EYS: variants seen among roughly 807,000 people sequenced by gnomAD.
EYS encodes the protein protein eyes shut homolog.
Under a neutral mutation model 282.1 loss-of-function variants are expected in EYS, and 250 were observed. That is an observed-to-expected ratio of 0.89 (90% confidence interval 0.80 to 0.98). The LOEUF is 0.98. Among genes scored for constraint, EYS ranks in the 50% least tolerant of loss-of-function variants. The pLI is 0.00. For synonymous variants in EYS, 1,355 were observed against 1,282.9 expected (o/e 1.06, Z -1.20); for missense variants, 4,016 against 3,709.0 (o/e 1.08, Z -2.15).
At chr6:64,306,320 T>G (rs1769442856) in intron 30 of EYS, among the ~76,000 whole-genome samples, 1 of 152,176 alleles carries the variant, frequency 6.6e-6, no homozygotes, top group Non-Finnish European at 1.5e-5. Context: ...CTCACCATGC[T>G]ATCTTACTTC....
Position 64,511,818 on chromosome 6 carries a change from T to TG in EYS, c.5645-72467dup, listed in dbSNP as rs66891090. ...GATTTAGCCATTAGATACTAAATTT[T>TG]GGGGGGGGGTGTTAAAATGTGTCAC... On this transcript the variant is annotated intron_variant, in intron 26 of 42. Transcript: ENST00000503581. Among the ~76,000 whole-genome samples the TG allele has an allele frequency of 7.3e-3, 1,089 of 149,238 alleles. 8 individuals carry two copies. The highest frequency in any genetic ancestry group is 0.018 in the African/African-American group (749 of 40,940).
rs1398757012 is a variant in EYS at position 65,120,375 on chromosome 6, TC to T, written c.2024-62649del. Among the ~76,000 whole-genome samples, 3 of 148,788 alleles carry T rather than the reference TC, an allele frequency of 2.0e-5. 1 individual carries two copies. In the East Asian group the frequency reaches 6.0e-4, roughly 30 times the overall value. ...CTCTGCGGCCTTCTTAAGGCTCTTC[TC>T]TTACACATCACATATGTCAGAGACA... On this transcript the variant is annotated intron_variant, in intron 12 of 42. Coordinates refer to ENST00000503581, the MANE Select transcript of EYS (RefSeq NM_001142800.2).
At chr6:64,726,740 A>G (rs1771771294) in intron 22 of EYS, among the ~76,000 whole-genome samples, 1 of 152,188 alleles carries the variant, frequency 6.6e-6, no homozygotes, top group Admixed American at 6.5e-5. Context: ...TAAGATTTAT[A>G]GAAGGATGTG....
chr6:64,591,347 A>G lies in EYS; in HGVS notation c.4520T>C (p.Ile1507Thr). 6.4e-7 allele frequency: 1 copy of G among 1,551,360 alleles called. No homozygotes were observed. Among genetic ancestry groups the G allele is most frequent in the South Asian group, 1.2e-5 (1 of 84,060 alleles). The change falls in exon 26 of 43, where the codon ATC (isoleucine) becomes ACC (threonine). Residue 1507 changes from isoleucine (I) to threonine (T), a missense_variant. Physicochemically the swap from Ile to Thr is moderately conservative, Grantham distance 89 (BLOSUM62 -1). Coordinates refer to ENST00000503581, the MANE Select transcript of EYS (RefSeq NM_001142800.2). ...AKVIISKQVT[I>T]LNSSALHRFS... ...CCGGTGCAGAGCTGATGAGTTTAAG[A>G]TGGTTACCTGTTTAGATATAATTAC...
chr6:64,681,360 C>A (rs985067585), intron 22 of EYS, among the ~76,000 whole-genome samples: 2 of 151,978 alleles, frequency 1.3e-5, no homozygotes, highest in Non-Finnish European at 2.9e-5. Context: ...AGATCAAGTA[C>A]AAAGTTGCAA....
intron 4 of EYS, among the ~76,000 whole-genome samples, chr6:65,492,350 G>A (rs199618622): frequency 1.3e-4 from 15 of 112,542 alleles, no homozygotes; most frequent in African/African-American, 3.3e-4. Flanking sequence ...CAAACAAAGA[G>A]AAAGAAAGAA....
chr6:63,865,378 A>G (rs1435721210), intron 35 of EYS, among the ~76,000 whole-genome samples: 5 of 152,196 alleles, frequency 3.3e-5, no homozygotes, highest in Non-Finnish European at 7.3e-5. Context: ...ATGTGAGACA[A>G]TATATTCCAC....
At chr6:65,015,347 G>A (rs530798659) in intron 13 of EYS, among the ~76,000 whole-genome samples, 1 of 152,140 alleles carries the variant, frequency 6.6e-6, no homozygotes, top group Non-Finnish European at 1.5e-5. Context: ...GATGAAAATT[G>A]GGATGTGTTA....
chr6:63,929,483 G>A lies in EYS; in HGVS notation c.7055+54900C>T, dbSNP rs553443084. On this transcript the variant is annotated intron_variant, in intron 35 of 42. Transcript: ENST00000503581. ...AAGGTTTGAGTATCCCTTTAATTTCGTAGAATCATTTTCTTCTCCACATTA... is the reference window on the plus strand; with the variant it reads ...AAGGTTTGAGTATCCCTTTAATTTCATAGAATCATTTTCTTCTCCACATTA... Among the ~76,000 whole-genome samples, 9 of 152,214 alleles carry A rather than the reference G, an allele frequency of 5.9e-5. No individual in the cohort carries two copies. In the East Asian group the frequency reaches 9.7e-4, roughly 16 times the overall value.
At chr6:64,939,052 T>C (rs942853083) in intron 15 of EYS, among the ~76,000 whole-genome samples, 8 of 151,840 alleles carry the variant, frequency 5.3e-5, no homozygotes, top group African/African-American at 1.9e-4. Context: ...ATTCCTAAGT[T>C]GTAAGTCATC....
At position 64,975,213 on chromosome 6, in the gene EYS, T is replaced by C. The variant is rs1205081562; in HGVS notation, c.2259+22369A>G. 2.6e-5 allele frequency among the ~76,000 whole-genome samples: 4 copies of C among 151,980 alleles called. No homozygotes were observed. The South Asian group carries it at 8.3e-4, about 31-fold the overall frequency. On this transcript the variant is annotated intron_variant, in intron 14 of 42. Transcript: ENST00000503581. The stretch of plus-strand genomic sequence containing the variant: ...TATTGATTAGAAACTGCACCACTTA[T>C]TGAATAAGATATAAAAACGATAATT...
rs71551553 is a variant in EYS at position 64,000,168 on chromosome 6, CTTTTTTT to C, written c.6726-992_6726-986del. Among the ~76,000 whole-genome samples the C allele has an allele frequency of 1.1e-3, 45 of 42,652 alleles. 3 individuals carry two copies. The highest frequency in any genetic ancestry group is 7.0e-3 in the South Asian group (7 of 994). The allele number at this position is 42,652 out of a possible 152,430, so 28.0% of individuals were successfully genotyped here. A position where few individuals can be genotyped will look rare whatever the true frequency, so the allele number is the denominator to read the frequency against. On this transcript the variant is annotated intron_variant, in intron 33 of 42. Transcript: ENST00000503581. ...CTGAGGAGTTTCCCAAGACATGGGACTTTTTTTTTTTTTTTTTTTTTTTTTTTTTTTT... is the reference window on the plus strand; with the variant it reads ...CTGAGGAGTTTCCCAAGACATGGGACTTTTTTTTTTTTTTTTTTTTTTTTT...
Position 64,646,300 on chromosome 6 carries a change from T to A in EYS, c.3444-20055A>T, listed in dbSNP as rs1768347873. On this transcript the variant is annotated intron_variant, in intron 22 of 42. Coordinates refer to ENST00000503581, the MANE Select transcript of EYS (RefSeq NM_001142800.2). ...AATAAAGAATAACAAATATACATAA[T>A]CAACTTTGGTAAAATGCTTGAGAAA... is the stretch of plus-strand genomic sequence containing the variant. Among the ~76,000 whole-genome samples, 3 of 152,114 alleles carry A rather than the reference T, an allele frequency of 2.0e-5. No individual in the cohort carries two copies. In the South Asian group the frequency reaches 6.2e-4, roughly 32 times the overall value.
intron 5 of EYS, among the ~76,000 whole-genome samples, chr6:65,416,604 A>G (rs1026383656): frequency 7.2e-5 from 11 of 152,056 alleles, no homozygotes; most frequent in African/African-American, 2.7e-4. Flanking sequence ...CACAATGAAT[A>G]AAAGATTATT....
rs143386864 is a variant in EYS at position 64,102,976 on chromosome 6, C to G, written c.6425-20974G>C. 4.2e-3 allele frequency among the ~76,000 whole-genome samples: 633 copies of G among 151,984 alleles called. 3 individuals carry two copies. Among genetic ancestry groups the G allele is most frequent in the African/African-American group, 0.014 (601 of 41,460 alleles). The stretch of plus-strand genomic sequence containing the variant: ...AGCTTAGTAGAGGGCAGAGCATTCA[C>G]ATGTAATTAAAAAAATCCTTACTTA... On this transcript the variant is annotated intron_variant, in intron 31 of 42. Transcript: ENST00000503581.
intron 21 of EYS, among the ~76,000 whole-genome samples, chr6:64,820,274 T>C (rs1298503007): frequency 1.3e-5 from 2 of 152,078 alleles, no homozygotes; most frequent in East Asian, 1.9e-4. Context: ...TAGAATCACA[T>C]AGGTAGAATT....
chr6:65,190,339 A>G (rs182178007), intron 12 of EYS, among the ~76,000 whole-genome samples: 1 of 148,824 alleles, frequency 6.7e-6, no homozygotes. Context: ...TATATTTTAT[A>G]TGAAATATAT....
intron 14 of EYS, among the ~76,000 whole-genome samples, chr6:64,997,233 A>G (rs934298862): frequency 3.9e-5 from 6 of 152,202 alleles, no homozygotes; most frequent in African/African-American, 1.4e-4. Context: ...ATGTAATACC[A>G]TGAGTTAGAT....
At chr6:65,377,380 T>G (rs1005744458) in intron 8 of EYS, among the ~76,000 whole-genome samples, 10 of 152,150 alleles carry the variant, frequency 6.6e-5, no homozygotes, top group African/African-American at 2.2e-4. Flanking sequence ...AAGCACTATT[T>G]ACAGGGAAAT....
Sources: gnomAD v4.1 joint callset for allele counts (sites outside exome capture counted in the v4.1 genomes callset) on GRCh38, gnomAD v4.1.1 for gene constraint, MANE v1.5 for transcripts, NCBI Gene and HGNC (gene_info 2026-07-23, HGNC 2026-07-21) for gene names.